Variants in TENM2 observed in about 807,000 individuals in gnomAD.
TENM2 encodes teneurin-2.
TENM2 carries 52 observed loss-of-function variants against 245.2 expected under a neutral mutation model. That is an observed-to-expected ratio of 0.21 (90% confidence interval 0.17 to 0.27). The LOEUF (loss-of-function observed/expected upper bound fraction) is 0.27, where lower values mean the gene tolerates loss of function less well. Ranked by LOEUF, TENM2 falls within the 10% of genes least tolerant of loss-of-function variation. TENM2 has a pLI of 1.00. For synonymous variants in TENM2, 1,363 were observed against 1,438.9 expected (o/e 0.95, Z 1.19); for missense variants, 3,046 against 3,666.8 (o/e 0.83, Z 4.37).
chr5:167,106,805 A>G, the TENM2 span, among the ~76,000 whole-genome samples: 1 of 152,122 alleles, frequency 6.6e-6, no homozygotes, highest in Non-Finnish European at 1.5e-5. Flanking sequence ...GATTCAAAAG[A>G]CATTTCTCAG....
intron 2 of TENM2, among the ~76,000 whole-genome samples, chr5:167,465,059 C>G (rs1342505634): frequency 6.6e-6 from 1 of 152,222 alleles, no homozygotes; most frequent in African/African-American, 2.4e-5. Flanking sequence ...TATTTCACAT[C>G]TCTCTAGTTT....
chr5:167,438,803 T>C (rs1352991679), intron 2 of TENM2, among the ~76,000 whole-genome samples: 1 of 151,744 alleles, frequency 6.6e-6, no homozygotes, highest in East Asian at 2.0e-4. Flanking sequence ...TTTGATAGTT[T>C]GCTTTTTGAG....
chr5:168,007,543 T>A (rs767747611), intron 5 of TENM2, among the ~76,000 whole-genome samples: 3 of 151,932 alleles, frequency 2.0e-5, no homozygotes, highest in Non-Finnish European at 4.4e-5. Flanking sequence ...CAAAGATGAG[T>A]TTCAGTCATG....
chr5:167,425,885 A>G (rs529161976), intron 2 of TENM2, among the ~76,000 whole-genome samples: 2 of 152,256 alleles, frequency 1.3e-5, no homozygotes, highest in African/African-American at 2.4e-5. Context: ...ACTTATTATT[A>G]TTGCTGGTAA....
chr5:167,245,111 C>T, the TENM2 span, among the ~76,000 whole-genome samples: 10 of 152,052 alleles, frequency 6.6e-5, no homozygotes, highest in African/African-American at 4.8e-5. Flanking sequence ...GGTTTCTTCC[C>T]CCTCCTTCCT....
intron 1 of TENM2, among the ~76,000 whole-genome samples, chr5:167,366,747 T>C (rs941786300): frequency 6.6e-6 from 1 of 152,158 alleles, no homozygotes; most frequent in African/African-American, 2.4e-5. Flanking sequence ...TAAACTAACC[T>C]AGTAGCCTTG....
At chr5:168,102,023 A>G (rs944521334) in intron 9 of TENM2, among the ~76,000 whole-genome samples, 1 of 151,186 alleles carries the variant, frequency 6.6e-6, no homozygotes, top group Non-Finnish European at 1.5e-5. Context: ...CTTCAAGTCA[A>G]TTCATTATAG....
At chr5:167,720,940 T>C (rs1033018951) in intron 2 of TENM2, among the ~76,000 whole-genome samples, 1 of 152,222 alleles carries the variant, frequency 6.6e-6, no homozygotes, top group African/African-American at 2.4e-5. Context: ...GTGGGTGTTG[T>C]GCTGGAATGA....
At chr5:167,441,423 C>T (rs1023876562) in intron 2 of TENM2, among the ~76,000 whole-genome samples, 9 of 152,138 alleles carry the variant, frequency 5.9e-5, no homozygotes, top group South Asian at 2.1e-4. Context: ...TGCTCTATAA[C>T]GCTATTGATA....
At chr5:167,988,319 A>G (rs1783403273) in intron 4 of TENM2, among the ~76,000 whole-genome samples, 1 of 152,246 alleles carries the variant, frequency 6.6e-6, no homozygotes, top group Non-Finnish European at 1.5e-5. Flanking sequence ...ACTGTAAGCC[A>G]GGCTCTATTT....
At chr5:167,676,039 A>G (rs992402892) in intron 2 of TENM2, among the ~76,000 whole-genome samples, 2 of 152,018 alleles carry the variant, frequency 1.3e-5, no homozygotes, top group African/African-American at 4.8e-5. Context: ...TGAACTCTCA[A>G]GCCCATTCAA....
the TENM2 span, among the ~76,000 whole-genome samples, chr5:167,257,576 G>A: frequency 2.4e-4 from 36 of 151,510 alleles, no homozygotes; most frequent in African/African-American, 8.0e-4. Flanking sequence ...TAATTGAGGC[G>A]AAGCGAAGAG....
chr5:167,900,356 T>C (rs181232253), intron 3 of TENM2, among the ~76,000 whole-genome samples: 135 of 152,150 alleles, frequency 8.9e-4, no homozygotes, highest in African/African-American at 2.3e-3. Flanking sequence ...TTATTATCTG[T>C]GTATCATGAA....
At chr5:167,590,418 T>C (rs1371305384) in intron 2 of TENM2, among the ~76,000 whole-genome samples, 2 of 152,086 alleles carry the variant, frequency 1.3e-5, no homozygotes, top group African/African-American at 4.8e-5. Context: ...TAAGTTACTT[T>C]AGAAATGCAT....
intron 12 of TENM2, among the ~76,000 whole-genome samples, chr5:168,128,662 C>T (rs750121404): frequency 2.0e-5 from 3 of 152,244 alleles, no homozygotes; most frequent in Admixed American, 6.5e-5. Context: ...CAGATGGATT[C>T]GAGCAGGAGT....
intron 23 of TENM2, among the ~76,000 whole-genome samples, chr5:168,220,915 C>T (rs918267179): frequency 6.6e-6 from 1 of 152,088 alleles, no homozygotes; most frequent in African/African-American, 2.4e-5. Context: ...AGTTTGAGAC[C>T]AGCCTGGCCA....
chr5:167,061,486 G>A, the TENM2 span, among the ~76,000 whole-genome samples: 1 of 152,036 alleles, frequency 6.6e-6, no homozygotes, highest in Non-Finnish European at 1.5e-5. Context: ...AAGCATTTTC[G>A]GTGAATTCTA....
the TENM2 span, among the ~76,000 whole-genome samples, chr5:167,201,572 T>C: frequency 6.6e-6 from 1 of 152,166 alleles, no homozygotes; most frequent in Non-Finnish European, 1.5e-5. Flanking sequence ...TTGTAATGGG[T>C]ACGAGCTCAC....
At chr5:167,622,342 C>A (rs1174031511) in intron 2 of TENM2, among the ~76,000 whole-genome samples, 1 of 152,072 alleles carries the variant, frequency 6.6e-6, no homozygotes, top group Non-Finnish European at 1.5e-5. Flanking sequence ...GCATGCCATG[C>A]TTTAAAAGCT....
Sources: allele counts gnomAD v4.1 joint callset (sites outside exome capture counted in the v4.1 genomes callset), GRCh38; gene constraint gnomAD v4.1.1; transcripts MANE v1.5; gene names NCBI Gene and HGNC (gene_info 2026-07-23, HGNC 2026-07-21).